The following RBL1 variants were observed in gnomAD, a reference collection of about 807,000 sequenced individuals.
RBL1 encodes the protein retinoblastoma-like protein 1.
A neutral mutation model predicts 123.0 loss-of-function variants in RBL1; 82 were observed. The ratio of observed to expected loss-of-function variants is 0.67; its 90% CI spans 0.56 to 0.80. RBL1 has a LOEUF of 0.80. RBL1 is among the 30% of genes least tolerant of loss of function. The probability of loss-of-function intolerance (pLI) is 0.00; values close to 1 mark genes in which losing one functional copy is unlikely to be tolerated. For missense variants in RBL1, 1,171 were observed against 1,299.6 expected (o/e 0.90, Z 1.52); for synonymous variants, 405 against 441.3 (o/e 0.92, Z 1.03).
chr20:37,037,114 T>G (rs2064628593), intron 14 of RBL1, among the ~76,000 whole-genome samples: 1 of 152,248 alleles, frequency 6.6e-6, no homozygotes, highest in South Asian at 2.1e-4. Flanking sequence ...ATTTCTATAG[T>G]TGTTTCCATT....
chr20:37,044,179 T>C lies in RBL1; in HGVS notation c.1677A>G (p.Glu559=). The C allele has an allele frequency of 6.2e-7, 1 of 1,614,002 alleles. No individual in the cohort carries two copies. The highest frequency in any genetic ancestry group is 8.5e-7 in the Non-Finnish European group (1 of 1,180,010). Residue 559 remains glutamate, a synonymous_variant, in exon 13 of 22, where the codon GAA becomes GAG. Transcript: ENST00000373664. ...RDMVKHLNSI[E]EQILESLAWS... ...ATGCTAAACTCTCCAAAATCTGTTC[T>C]TCAATGCTGTTTAGGTGTTTCACCA...
intron 21 of RBL1, among the ~76,000 whole-genome samples, chr20:37,003,285 T>C (rs1183747937): frequency 6.6e-6 from 1 of 152,178 alleles, no homozygotes; most frequent in Non-Finnish European, 1.5e-5. Context: ...AGGATGGAGA[T>C]GATCACAGAG....
chr20:37,066,107 C>T (rs1600566067), intron 6 of RBL1, among the ~76,000 whole-genome samples: 1 of 152,182 alleles, frequency 6.6e-6, no homozygotes, highest in East Asian at 1.9e-4. Flanking sequence ...ATAATCCAAA[C>T]CCCTCCTTTT....
intron 16 of RBL1, among the ~76,000 whole-genome samples, chr20:37,023,813 C>T (rs1473348679): frequency 7.6e-6 from 1 of 131,756 alleles, no homozygotes; most frequent in African/African-American, 2.9e-5. Flanking sequence ...GAGTCTCACT[C>T]TGTAGCCTAA....
intron 19 of RBL1, among the ~76,000 whole-genome samples, chr20:37,010,087 G>T (rs1209285945): frequency 6.6e-5 from 10 of 151,818 alleles, no homozygotes; most frequent in Admixed American, 6.6e-4. Flanking sequence ...GCCGGGTATG[G>T]TGGCTCATGC....
intron 9 of RBL1, among the ~76,000 whole-genome samples, chr20:37,058,151 A>AAAAAAAAAC (rs2065043467): frequency 6.7e-6 from 1 of 150,370 alleles, no homozygotes; most frequent in African/African-American, 2.4e-5. Context: ...AAAAAAAAAA[A>AAAAAAAAAC]AGCCTATTCC....
intron 16 of RBL1, among the ~76,000 whole-genome samples, chr20:37,031,655 G>A (rs1021177346): frequency 3.3e-5 from 5 of 152,172 alleles, no homozygotes; most frequent in Non-Finnish European, 5.9e-5. Flanking sequence ...TGGTTCCTCA[G>A]AAAATGAAAT....
At chr20:37,029,722 T>A (rs926435472) in intron 16 of RBL1, among the ~76,000 whole-genome samples, 4 of 152,146 alleles carry the variant, frequency 2.6e-5, no homozygotes, top group African/African-American at 9.7e-5. Context: ...CTGATAGAAT[T>A]AATAAACAAA....
intron 9 of RBL1, among the ~76,000 whole-genome samples, chr20:37,057,139 T>C (rs2065025383): frequency 6.6e-6 from 1 of 152,216 alleles, no homozygotes; most frequent in Non-Finnish European, 1.5e-5. Context: ...ACTTGGCTAT[T>C]GGGAATAATG....
intron 19 of RBL1, among the ~76,000 whole-genome samples, chr20:37,015,644 A>T (rs2064238089): frequency 6.6e-6 from 1 of 152,192 alleles, no homozygotes; most frequent in East Asian, 1.9e-4. Context: ...GTTAGCCAGG[A>T]TGGTCTGGAT....
intron 2 of RBL1, among the ~76,000 whole-genome samples, chr20:37,078,605 AAGCATTGGAATC>A (rs1261592247): frequency 4.6e-5 from 7 of 152,180 alleles, no homozygotes; most frequent in African/African-American, 1.7e-4. Context: ...CACGTCTGCT[AAGCATTGGAATC>A]AGCCATTTCC....
chr20:37,048,734 T>C (rs1303013571), intron 11 of RBL1, among the ~76,000 whole-genome samples: 1 of 152,022 alleles, frequency 6.6e-6, no homozygotes, highest in Non-Finnish European at 1.5e-5. Flanking sequence ...TATCTGACAT[T>C]TGAGGAAAAC....
Position 37,003,878 on chromosome 20 carries a change from C to T in RBL1, c.2872-12G>A, listed in dbSNP as rs765299518. On this transcript the variant is annotated splice_polypyrimidine_tract_variant and intron_variant, in intron 20 of 21. Coordinates refer to ENST00000373664, the MANE Select transcript of RBL1 (RefSeq NM_002895.5). ...GGTGGAGCATCCATCTAAAATAACC[C>T]AAAAGTCAGATTTTTTAGATAAAAG... The T allele has an allele frequency of 5.7e-6, 9 of 1,576,432 alleles. No individual in the cohort carries two copies. Among genetic ancestry groups the T allele is most frequent in the Non-Finnish European group, 7.7e-6 (9 of 1,164,106 alleles).
In RBL1 at chr20:37,049,741, A is replaced by G. The variant is rs1003578230; in HGVS notation, c.1468-2551T>C. 4 of 560,164 alleles carry G rather than the reference A, an allele frequency of 7.1e-6. No homozygotes were observed. The African/African-American group carries it at 7.7e-5, about 11-fold the overall frequency. 34.7% of individuals were successfully genotyped at this position (560,164 alleles called of 1,614,324 possible). A position where few individuals can be genotyped will look rare whatever the true frequency, so the allele number is the denominator to read the frequency against. On this transcript the variant is annotated intron_variant, in intron 11 of 21. Coordinates refer to ENST00000373664, the MANE Select transcript of RBL1 (RefSeq NM_002895.5). ...GAGTTAATAAAAGATATAAACTAAC[A>G]TTTAAAAAAATTTAAAATATTTTTT...
intron 2 of RBL1, among the ~76,000 whole-genome samples, chr20:37,085,825 AT>A (rs2065536406): frequency 6.6e-6 from 1 of 150,984 alleles, no homozygotes; most frequent in South Asian, 2.1e-4. Flanking sequence ...TTGTTTTTGT[AT>A]TTTTAGTAGA....
chr20:37,004,359 G>A (rs1484315010), intron 20 of RBL1, among the ~76,000 whole-genome samples: 1 of 151,164 alleles, frequency 6.6e-6, no homozygotes, highest in East Asian at 2.0e-4. Context: ...TGGGATTACA[G>A]GTGTGAGCCA....
intron 13 of RBL1, among the ~76,000 whole-genome samples, chr20:37,043,193 C>T (rs1015821943): frequency 4.1e-5 from 6 of 147,650 alleles, no homozygotes; most frequent in East Asian, 1.9e-4. Context: ...CACAATTAGC[C>T]GGGTGTGGCC....
intron 2 of RBL1, among the ~76,000 whole-genome samples, chr20:37,072,152 C>T (rs568542810): frequency 2.3e-4 from 35 of 152,262 alleles, no homozygotes; most frequent in African/African-American, 8.2e-4. Flanking sequence ...AAAAATTATG[C>T]TCCCTTACAG....
At chr20:37,034,355 A>AC (rs1221954782) in intron 15 of RBL1, among the ~76,000 whole-genome samples, 1 of 152,160 alleles carries the variant, frequency 6.6e-6, no homozygotes, top group African/African-American at 2.4e-5. Context: ...TTTATAGTTT[A>AC]AATTTATTGG....
Sources: allele counts gnomAD v4.1 joint callset (sites outside exome capture counted in the v4.1 genomes callset), GRCh38; gene constraint gnomAD v4.1.1; transcripts MANE v1.5; gene names NCBI Gene and HGNC (gene_info 2026-07-23, HGNC 2026-07-21).